The following ITPR3 variants were observed in gnomAD, a reference collection of about 807,000 sequenced individuals.
The protein encoded by ITPR3 is inositol 1,4,5-trisphosphate-gated calcium channel ITPR3.
ITPR3 carries 173 observed loss-of-function variants against 293.2 expected under a neutral mutation model. That is an observed-to-expected ratio of 0.59 (90% CI 0.52 to 0.67). ITPR3 has a LOEUF of 0.67. Among genes scored for constraint, ITPR3 ranks in the 30% least tolerant of loss-of-function variants. The pLI is 0.00. For missense variants in ITPR3, 2,796 were observed against 3,592.1 expected (o/e 0.78, Z 5.66); for synonymous variants, 1,295 against 1,444.4 (o/e 0.90, Z 2.35).
At chr6:33,665,518 G>C (rs375507444) in intron 13 of ITPR3, among the ~76,000 whole-genome samples, 1 of 152,166 alleles carries the variant, frequency 6.6e-6, no homozygotes, top group South Asian at 2.1e-4. Context: ...GTAAGTGGCA[G>C]AGTCAGGATG....
chr6:33,622,242 C>T (rs1206883668), intron 1 of ITPR3, among the ~76,000 whole-genome samples: 1 of 152,150 alleles, frequency 6.6e-6, no homozygotes, highest in Non-Finnish European at 1.5e-5. Flanking sequence ...AGGTCCTGGC[C>T]AGCTGCCCCT....
chr6:33,680,349 C>G lies in ITPR3; in HGVS notation c.4245C>G (p.Asn1415Lys). ...CCCAGGTGAAAATGGCCTATGTGAA[C>G]TTCGTGAACCACTGCTACGTGGACA... is the stretch of plus-strand genomic sequence containing the variant. ...CITEVKMAYV[N>K]FVNHCYVDTE... The change falls in exon 32 of 58, where the codon AAC (asparagine) becomes AAG (lysine). Residue 1415 changes from asparagine to lysine, a missense_variant. Coordinates refer to ENST00000605930, the MANE Select transcript of ITPR3 (RefSeq NM_002224.4). 6.2e-7 allele frequency: 1 copy of G among 1,613,764 alleles called. No homozygotes were observed. Among genetic ancestry groups the G allele is most frequent in the Non-Finnish European group, 8.5e-7 (1 of 1,180,002 alleles).
intron 2 of ITPR3, among the ~76,000 whole-genome samples, chr6:33,647,429 T>A (rs144518201): frequency 6.6e-6 from 1 of 152,186 alleles, no homozygotes; most frequent in African/African-American, 2.4e-5. Context: ...CATTTTCATT[T>A]CTGTGCAACT....
chr6:33,693,795 C>G, intron 56 of ITPR3, 90 bp downstream of exon 56: 1 of 1,449,384 alleles, frequency 6.9e-7, no homozygotes, highest in Non-Finnish European at 9.4e-7. Context: ...GTTTTAGCTT[C>G]TGAGTACCCT....
Position 33,655,286 on chromosome 6 carries a change from G to A in ITPR3, c.161-480G>A, listed in dbSNP as rs1482521653. 1.3e-5 allele frequency among the ~76,000 whole-genome samples: 2 copies of A among 152,226 alleles called. No homozygotes were observed. Among genetic ancestry groups the A allele is most frequent in the East Asian group, 3.9e-4 (2 of 5,190 alleles). ...GTTCCTCGGACTGTCCCCTCCAGAG[G>A]CTGGGCTGTTCTATGCCTGTGTCAG... On this transcript the variant is annotated intron_variant, in intron 2 of 57. Transcript: ENST00000605930. This position sits in a 1 kb window ranked among gnomAD's most constrained non-coding sequence, Gnocchi z 4.9.
chr6:33,645,814 G>A (rs1764052485), intron 2 of ITPR3, among the ~76,000 whole-genome samples: 1 of 151,974 alleles, frequency 6.6e-6, no homozygotes, highest in Non-Finnish European at 1.5e-5. Context: ...TAAGTTTTTT[G>A]GTCACTGAAA....
intron 3 of ITPR3, 92 bp from the exon 4 acceptor site, chr6:33,657,840 T>G: frequency 1.0e-6 from 1 of 961,320 alleles, no homozygotes; most frequent in East Asian, 2.6e-5. Flanking sequence ...TGTGTTTGTG[T>G]GCATGTGTGC....
intron 3 of ITPR3, 132 bp downstream of exon 3, chr6:33,656,019 C>T (rs951568524): frequency 2.5e-5 from 29 of 1,162,834 alleles, no homozygotes; most frequent in South Asian, 1.5e-4. Flanking sequence ...CTCGTATGGG[C>T]GTGACAGTTC....
chr6:33,646,806 A>G (rs1764077743), intron 2 of ITPR3, among the ~76,000 whole-genome samples: 2 of 152,126 alleles, frequency 1.3e-5, no homozygotes, highest in Non-Finnish European at 2.9e-5. Context: ...AGTCTCAGCT[A>G]CACAGGAGAC....
rs569349576 is a variant in ITPR3 at position 33,679,267 on chromosome 6, C to T, written c.3972+428C>T. 4.6e-5 allele frequency among the ~76,000 whole-genome samples: 7 copies of T among 152,072 alleles called. No individual in the cohort carries two copies. The highest frequency in any genetic ancestry group is 2.1e-4 in the South Asian group (1 of 4,818). ...GCATCGCCAGGGCCCCAGTGTGTGG[C>T]GCATAGTAGGTTCTCAACAGACACC... On this transcript the variant is annotated intron_variant, in intron 30 of 57. Coordinates refer to ENST00000605930, the MANE Select transcript of ITPR3 (RefSeq NM_002224.4). This position sits in a 1 kb window ranked among gnomAD's most constrained non-coding sequence, Gnocchi z 4.2.
At position 33,692,286 on chromosome 6, in the gene ITPR3, C is replaced by T. The variant is rs1765416901; in HGVS notation, c.7458+358C>T. Among the ~76,000 whole-genome samples the T allele has an allele frequency of 1.3e-5, 2 of 152,260 alleles. No individual in the cohort carries two copies. The highest frequency in any genetic ancestry group is 2.4e-5 in the African/African-American group (1 of 41,470). On this transcript the variant is annotated intron_variant, in intron 54 of 57. Transcript: ENST00000605930. This position sits in a 1 kb window ranked among gnomAD's most constrained non-coding sequence, Gnocchi z 4.2. ...CTTGGGCAGCCACATTCCCGAATGT[C>T]AGGCCTTCCCCTGTTGCTTGGGAGT...
rs574802169 is a variant in ITPR3, at chr6:33,624,058, G to A, written c.89+2367G>A. On this transcript the variant is annotated intron_variant, in intron 1 of 57. Transcript: ENST00000605930. The surrounding 1 kb of genome is among the most constrained non-coding windows in gnomAD (Gnocchi z 4.7). ...TTGGGTTGTTCCCGCCCTTTAGCAA[G>A]CAAGTCTCCACCTGGGTAAATCTGT... Among the ~76,000 whole-genome samples, 1 of 152,324 alleles carries A rather than the reference G, an allele frequency of 6.6e-6. No homozygotes were observed. Among genetic ancestry groups the A allele is most frequent in the Admixed American group, 6.5e-5 (1 of 15,306 alleles).
intron 16 of ITPR3, among the ~76,000 whole-genome samples, chr6:33,668,181 T>C (rs1487159855): frequency 6.6e-6 from 1 of 152,210 alleles, no homozygotes. Context: ...GAATGACTCC[T>C]TGTACCACTA....
At chr6:33,685,569 G>T in intron 40 of ITPR3, 36 bp downstream of exon 40, 1 of 1,601,756 alleles carries the variant, frequency 6.2e-7, no homozygotes, top group South Asian at 1.1e-5. Context: ...GCGTGACGGG[G>T]ATCCCAGGAT....
rs762987252 is a variant in ITPR3 at position 33,678,448 on chromosome 6, C to T, written c.3676C>T (p.Arg1226Cys). The change falls in exon 29 of 58, where the codon CGC (arginine) becomes TGC (cysteine). Residue 1226 changes from arginine (R) to cysteine (C), a missense_variant. Arg to Cys is a radical substitution (Grantham distance 180). This residue lies in a region of ITPR3 where 344 missense variants were observed against 460.3 expected (regional missense o/e 0.75). Coordinates refer to ENST00000605930, the MANE Select transcript of ITPR3 (RefSeq NM_002224.4). The part of the protein sequence containing the change: ...KGDAKMMEIL[R>C]YTHQFLQKFC... Reference sequence around the variant, plus strand: ...TGATGCCAAGATGATGGAGATCCTGCGCTACACGCACCAGTTCCTGCAGAA... The same window carrying T: ...TGATGCCAAGATGATGGAGATCCTGTGCTACACGCACCAGTTCCTGCAGAA... 2.4e-5 allele frequency: 38 copies of T among 1,613,652 alleles called. No homozygotes were observed. The highest frequency in any genetic ancestry group is 5.0e-5 in the Admixed American group (3 of 60,012).
chr6:33,623,326 G>GTTTTTTTT (rs60711686), intron 1 of ITPR3, among the ~76,000 whole-genome samples: 1 of 137,436 alleles, frequency 7.3e-6, no homozygotes. Flanking sequence ...TGTGAGTTTT[G>GTTTTTTTT]TTTTTTTTTT....
chr6:33,627,748 T>C (rs7772621), intron 1 of ITPR3, among the ~76,000 whole-genome samples: 131,093 of 152,232 alleles, frequency 0.86, 56,521 homozygotes, highest in East Asian at 0.96. Context: ...GGGTCAGACA[T>C]GATTCATGTC....
Position 33,633,589 on chromosome 6 carries a change from C to A in ITPR3, c.90-6895C>A, listed in dbSNP as rs1763734414. Among the ~76,000 whole-genome samples the A allele has an allele frequency of 6.6e-6, 1 of 151,756 alleles. No homozygotes were observed. Among genetic ancestry groups the A allele is most frequent in the African/African-American group, 2.4e-5 (1 of 41,412 alleles). ...AAAGCGCGGGCGCAGCGGCACATCA[C>A]CCGCCCCGCCCCCGGGCGCGTCTGG... On this transcript the variant is annotated intron_variant, in intron 1 of 57. Transcript: ENST00000605930. The surrounding 1 kb of genome is among the most constrained non-coding windows in gnomAD (Gnocchi z 5.2).
rs909285410 is a variant in ITPR3 at position 33,654,458 on chromosome 6, A to G, written c.161-1308A>G. 6.6e-6 allele frequency among the ~76,000 whole-genome samples: 1 copy of G among 151,844 alleles called. No individual in the cohort carries two copies. Among genetic ancestry groups the G allele is most frequent in the Non-Finnish European group, 1.5e-5 (1 of 67,970 alleles). On this transcript the variant is annotated intron_variant, in intron 2 of 57. Coordinates refer to ENST00000605930, the MANE Select transcript of ITPR3 (RefSeq NM_002224.4). The surrounding 1 kb of genome is among the most constrained non-coding windows in gnomAD (Gnocchi z 4.1). ...TTTCTAGGAAGTTCTGTCTTCCTTG[A>G]TCTTTGGTTCACTCTGTTTCTACTC...
Sources: gnomAD v4.1 joint callset for allele counts (sites outside exome capture counted in the v4.1 genomes callset) on GRCh38, gnomAD v4.1.1 for gene constraint, gnomAD v4.1.1 regional missense constraint, Gnocchi (gnomAD v3.1) non-coding constraint, MANE v1.5 for transcripts, NCBI Gene and HGNC (gene_info 2026-07-23, HGNC 2026-07-21) for gene names.